SMIM7: variants seen among roughly 807,000 people sequenced by gnomAD.
The protein encoded by SMIM7 is UPF0608 protein C19orf42.
Under a neutral mutation model 13.3 loss-of-function variants are expected in SMIM7, and 12 were observed. That is an observed-to-expected ratio of 0.90 (90% CI 0.58 to 1.46). SMIM7 has a LOEUF of 1.46. Among genes scored for constraint, SMIM7 ranks in the 40% most tolerant of loss-of-function variants. The probability of loss-of-function intolerance (pLI) is 0.00; values close to 1 mark genes in which losing one functional copy is unlikely to be tolerated. For synonymous variants in SMIM7, 36 were observed against 35.8 expected, an observed-to-expected ratio of 1.01 and a Z score of -0.02; for missense variants, 114 against 94.8, an observed-to-expected ratio of 1.20 and a Z score of -0.84.
downstream of SMIM7, among the ~76,000 whole-genome samples, chr19:16,643,532 G>C (rs956066555): frequency 7.9e-5 from 12 of 152,246 alleles, no homozygotes; most frequent in African/African-American, 2.9e-4. Flanking sequence ...GAGTAGCTGG[G>C]ACTACAGGCA....
chr19:16,643,688 T>C (rs1347457861), downstream of SMIM7, among the ~76,000 whole-genome samples: 2 of 152,042 alleles, frequency 1.3e-5, no homozygotes, highest in Non-Finnish European at 2.9e-5. Context: ...TGAGCCACCG[T>C]ACCAGGCCTA....
At chr19:16,655,001 G>C (rs940068849) in intron 3 of SMIM7, among the ~76,000 whole-genome samples, 5 of 152,080 alleles carry the variant, frequency 3.3e-5, no homozygotes, top group Non-Finnish European at 5.9e-5. Context: ...AAAGAAAGGG[G>C]AATTGAGAGC....
chr19:16,654,027 G>A lies in SMIM7; in HGVS notation c.212+8C>T. 2 of 1,612,464 alleles carry A rather than the reference G, an allele frequency of 1.2e-6. No individual in the cohort carries two copies. Among genetic ancestry groups the A allele is most frequent in the Non-Finnish European group, 1.7e-6 (2 of 1,178,954 alleles). On this transcript the variant is annotated splice_region_variant and intron_variant, in intron 4 of 4. Coordinates refer to ENST00000487416, the MANE Select transcript of SMIM7 (RefSeq NM_024104.4). ...CGACAGTGAAAGGAAAGGGCAGGCT[G>A]GACTCACACAATCATGCAGAACATC...
rs1451485360 is a variant in SMIM7 at position 16,658,393 on chromosome 19, C to A, written c.121+1002G>T. Reference sequence around the variant, plus strand: ...GGATACAATAGTCATGTACAGATCCCCTTAAGACTCCAAATAGTTACACAA... The same window carrying A: ...GGATACAATAGTCATGTACAGATCCACTTAAGACTCCAAATAGTTACACAA... On this transcript the variant is annotated intron_variant, in intron 3 of 4. Coordinates refer to ENST00000487416, the MANE Select transcript of SMIM7 (RefSeq NM_024104.4). Among the ~76,000 whole-genome samples the A allele has an allele frequency of 3.3e-5, 5 of 152,314 alleles. No individual in the cohort carries two copies. The East Asian group carries it at 9.6e-4, about 29-fold the overall frequency.
At chr19:16,659,787 C>A (rs1355823609) in intron 2 of SMIM7, 172 bp downstream of exon 2, 2 of 828,130 alleles carry the variant, frequency 2.4e-6, no homozygotes, top group Non-Finnish European at 3.8e-6. Flanking sequence ...TAAGGTCTCT[C>A]GGGGGGTGGG....
downstream of SMIM7, among the ~76,000 whole-genome samples, chr19:16,643,559 G>A (rs933236389): frequency 6.6e-6 from 1 of 152,072 alleles, no homozygotes; most frequent in African/African-American, 2.4e-5. Flanking sequence ...ACTATGCCCA[G>A]CTAATATATG....
At chr19:16,659,192 A>G in intron 3 of SMIM7, 1 of 638,948 alleles carries the variant, frequency 1.6e-6, no homozygotes. Context: ...CTGAGGTGGA[A>G]GGATCACTTT....
chr19:16,642,879 A>G (rs1007655533), downstream of SMIM7, among the ~76,000 whole-genome samples: 1 of 146,096 alleles, frequency 6.8e-6, no homozygotes, highest in African/African-American at 2.6e-5. Flanking sequence ...GCTGCAGTGC[A>G]GCGGCGCGAT....
downstream of SMIM7, among the ~76,000 whole-genome samples, chr19:16,643,425 CA>C (rs1342680894): frequency 2.6e-5 from 4 of 152,270 alleles, no homozygotes; most frequent in South Asian, 6.2e-4. Flanking sequence ...TTTTTTGAGA[CA>C]GGGGTCTCAC....
intron 4 of SMIM7, among the ~76,000 whole-genome samples, chr19:16,633,388 A>AC (rs2086335859): frequency 6.6e-6 from 1 of 150,540 alleles, no homozygotes. Flanking sequence ...CCCAGGAGAC[A>AC]GAGGTTGCAG....
intron 3 of SMIM7, among the ~76,000 whole-genome samples, chr19:16,656,582 T>C (rs1215838656): frequency 6.6e-6 from 1 of 151,194 alleles, no homozygotes; most frequent in Non-Finnish European, 1.5e-5. Context: ...GGCATGTGCA[T>C]GGGGAAGGGT....
Position 16,655,150 on chromosome 19 carries a change from C to T in SMIM7, c.122-1025G>A, listed in dbSNP as rs1011719927. The T allele has an allele frequency of 7.5e-5, 26 of 345,412 alleles. No homozygotes were observed. In the East Asian group the frequency reaches 1.0e-3, roughly 14 times the overall value. 21.4% of individuals were successfully genotyped at this position (345,412 alleles called of 1,614,324 possible). A position where few individuals can be genotyped will look rare whatever the true frequency, so the allele number is the denominator to read the frequency against. On this transcript the variant is annotated intron_variant, in intron 3 of 4. Transcript: ENST00000487416. ...GTTGGATGTTTCAATTTGCTTTAAC[C>T]ACTTTGAGCTGGGTTTGCAGTGTTT...
At chr19:16,639,953 G>GTT (rs1012071011) in intron 4 of SMIM7, 16 of 142,442 alleles carry the variant, frequency 1.1e-4, no homozygotes, top group Non-Finnish European at 1.7e-4. Flanking sequence ...TCGGTTTTTT[G>GTT]TTTTTTTTTT....
intron 4 of SMIM7, chr19:16,634,046 C>T (rs1454217872): frequency 6.6e-6 from 1 of 152,218 alleles, no homozygotes; most frequent in Non-Finnish European, 1.5e-5. Flanking sequence ...GCCTCCAGGG[C>T]TGACTCCAGT....
chr19:16,642,528 C>T (rs889429213), downstream of SMIM7, among the ~76,000 whole-genome samples: 1 of 151,686 alleles, frequency 6.6e-6, no homozygotes, highest in Non-Finnish European at 1.5e-5. Context: ...CCAGCCTGGG[C>T]GAGAGTGAGA....
chr19:16,647,220 T>G lies in SMIM7; in HGVS notation c.*26A>C. 2.5e-6 allele frequency: 4 copies of G among 1,613,896 alleles called. No homozygotes were observed. The highest frequency in any genetic ancestry group is 3.3e-4 in the Middle Eastern group (2 of 6,060). ...ATGGAGACTCGGCATCCCGGGAAAG[T>G]GAGTTCCTGGTTTCATCGCTGGGAT... On this transcript the variant is annotated 3_prime_UTR_variant, in exon 5 of 5. Transcript: ENST00000487416.
chr19:16,647,516 T>A (rs1010260075), intron 4 of SMIM7, among the ~76,000 whole-genome samples: 2 of 150,364 alleles, frequency 1.3e-5, no homozygotes, highest in African/African-American at 4.9e-5. Context: ...AGTACAGTGG[T>A]GCGATCTCAG....
At chr19:16,644,238 A>G (rs2086428618), downstream of SMIM7, among the ~76,000 whole-genome samples, 1 of 141,722 alleles carries the variant, frequency 7.1e-6, no homozygotes, top group African/African-American at 2.7e-5. Flanking sequence ...ATCCTGCCTC[A>G]GCCTCCTGAG....
At chr19:16,638,203 G>A (rs536180942) in intron 4 of SMIM7, among the ~76,000 whole-genome samples, 2 of 151,890 alleles carry the variant, frequency 1.3e-5, no homozygotes, top group Admixed American at 1.3e-4. Flanking sequence ...GGAGGCGGAG[G>A]TTGCAGTAAG....
Sources: gnomAD v4.1 joint callset for allele counts (sites outside exome capture counted in the v4.1 genomes callset) on GRCh38, gnomAD v4.1.1 for gene constraint, MANE v1.5 for transcripts, NCBI Gene and HGNC (gene_info 2026-07-23, HGNC 2026-07-21) for gene names.